TBL1XR1: variants seen among roughly 807,000 people sequenced by gnomAD.
TBL1XR1 encodes the protein F-box-like/WD repeat-containing protein TBL1XR1.
A neutral mutation model predicts 66.9 loss-of-function variants in TBL1XR1; 5 were observed. The observed-to-expected ratio is 0.07, with a 90% CI of 0.04 to 0.16. The LOEUF is 0.16. Among genes scored for constraint, TBL1XR1 ranks in the 10% least tolerant of loss-of-function variants. The pLI is 1.00. For missense variants in TBL1XR1, 238 were observed against 623.2 expected (o/e 0.38, Z 6.58); for synonymous variants, 210 against 206.0 (o/e 1.02, Z -0.17).
intron 2 of TBL1XR1, among the ~76,000 whole-genome samples, chr3:177,084,900 T>C (rs1245119922): frequency 1.3e-5 from 2 of 152,194 alleles, no homozygotes; most frequent in Admixed American, 6.5e-5. Flanking sequence ...GTAGTTACTA[T>C]TTGTGGGAGG....
intron 12 of TBL1XR1, among the ~76,000 whole-genome samples, chr3:177,035,798 C>T (rs577240111): frequency 9.9e-5 from 15 of 152,164 alleles, no homozygotes; most frequent in Non-Finnish European, 1.8e-4. Context: ...TCCTGTTTCG[C>T]CAGTCCAGCT....
intron 1 of TBL1XR1, among the ~76,000 whole-genome samples, chr3:177,139,380 C>T: frequency 6.6e-6 from 1 of 151,904 alleles, no homozygotes; most frequent in Non-Finnish European, 1.5e-5. Flanking sequence ...AGAGACAATA[C>T]AAAAATTAGC....
At chr3:177,189,792 T>C (rs1250063791) in intron 1 of TBL1XR1, among the ~76,000 whole-genome samples, 2 of 152,038 alleles carry the variant, frequency 1.3e-5, no homozygotes, top group African/African-American at 4.8e-5. Flanking sequence ...TTCTGGTAGA[T>C]AAAACTCACT....
intron 1 of TBL1XR1, among the ~76,000 whole-genome samples, chr3:177,104,912 A>G (rs1269109015): frequency 6.6e-6 from 1 of 152,196 alleles, no homozygotes; most frequent in Non-Finnish European, 1.5e-5. Context: ...AAGCAATGCA[A>G]TTAAAGACAA....
At chr3:177,144,508 C>T (rs1213837609) in intron 1 of TBL1XR1, among the ~76,000 whole-genome samples, 1 of 151,932 alleles carries the variant, frequency 6.6e-6, no homozygotes, top group Non-Finnish European at 1.5e-5. Flanking sequence ...AATCCCAGCA[C>T]TTTGGGAGGC....
At chr3:177,035,171 T>C (rs1400010667) in intron 12 of TBL1XR1, among the ~76,000 whole-genome samples, 1 of 152,208 alleles carries the variant, frequency 6.6e-6, no homozygotes, top group Non-Finnish European at 1.5e-5. Flanking sequence ...TTTTCAGAAC[T>C]GATTTCATTA....
intron 1 of TBL1XR1, among the ~76,000 whole-genome samples, chr3:177,184,360 A>G (rs969506054): frequency 2.6e-5 from 4 of 152,206 alleles, no homozygotes; most frequent in Non-Finnish European, 4.4e-5. Context: ...GTCAACCACT[A>G]TGAGAACCCC....
upstream of TBL1XR1, among the ~76,000 whole-genome samples, chr3:177,198,865 G>GACACAC (rs57636923): frequency 4.0e-3 from 593 of 148,162 alleles, 1 homozygote; most frequent in Non-Finnish European, 4.4e-3. Context: ...GAAGTTTTGC[G>GACACAC]ACACACACAC....
intron 3 of TBL1XR1, among the ~76,000 whole-genome samples, chr3:177,063,254 T>C (rs905650438): frequency 3.3e-5 from 5 of 152,248 alleles, no homozygotes; most frequent in African/African-American, 4.8e-5. Context: ...TTGTGGACTT[T>C]TGTTTAGAAA....
intron 3 of TBL1XR1, among the ~76,000 whole-genome samples, chr3:177,057,158 C>G (rs1242681580): frequency 6.6e-6 from 1 of 152,216 alleles, no homozygotes; most frequent in Non-Finnish European, 1.5e-5. Context: ...TGGCAAATTA[C>G]ATCTAACATC....
intron 1 of TBL1XR1, among the ~76,000 whole-genome samples, chr3:177,119,181 G>A (rs771552275): frequency 2.0e-5 from 3 of 152,014 alleles, no homozygotes; most frequent in South Asian, 2.1e-4. Context: ...CATGTTGGCC[G>A]GGCTGGTCTC....
At chr3:177,032,894 T>A in intron 14 of TBL1XR1, 77 bp downstream of exon 14, 2 of 1,204,228 alleles carry the variant, frequency 1.7e-6, no homozygotes, top group Admixed American at 3.4e-5. Flanking sequence ...GACAACCAAA[T>A]GGTGAGGCAG....
At chr3:177,150,260 A>T (rs1730729298) in intron 1 of TBL1XR1, among the ~76,000 whole-genome samples, 1 of 152,194 alleles carries the variant, frequency 6.6e-6, no homozygotes, top group Admixed American at 6.5e-5. Flanking sequence ...CCTTAGAGAG[A>T]CATATGGAAT....
chr3:177,040,530 T>C (rs1011607548), intron 10 of TBL1XR1, among the ~76,000 whole-genome samples: 3 of 152,152 alleles, frequency 2.0e-5, no homozygotes, highest in African/African-American at 4.8e-5. Context: ...AGATATGTCA[T>C]GCGTAAGAAC....
At chr3:177,153,877 CAAAAAAAAA>C (rs1007822226) in intron 1 of TBL1XR1, among the ~76,000 whole-genome samples, 1 of 43,072 alleles carries the variant, frequency 2.3e-5, no homozygotes. Context: ...AACTCCATCT[CAAAAAAAAA>C]AAAAAAAAAA....
At chr3:177,118,104 G>C (rs911901721) in intron 1 of TBL1XR1, among the ~76,000 whole-genome samples, 1 of 152,122 alleles carries the variant, frequency 6.6e-6, no homozygotes, top group African/African-American at 2.4e-5. Flanking sequence ...CTCAGCCAGA[G>C]ACTCAGGACA....
Position 177,063,430 on chromosome 3 carries a change from C to A in TBL1XR1, c.58+1490G>T, listed in dbSNP as rs372633395. On this transcript the variant is annotated intron_variant, in intron 3 of 15. Coordinates refer to ENST00000457928, the MANE Select transcript of TBL1XR1 (RefSeq NM_024665.7). ...TACAATATATTTCCCATCTACTGATCCTTCACAATGGTTTTTGCTCCAGTG... is the reference window on the plus strand; with the variant it reads ...TACAATATATTTCCCATCTACTGATACTTCACAATGGTTTTTGCTCCAGTG... Among the ~76,000 whole-genome samples, 96 of 152,288 alleles carry A rather than the reference C, an allele frequency of 6.3e-4. 3 individuals are homozygous for A. The South Asian group carries it at 0.02, about 31-fold the overall frequency.
chr3:177,193,902 G>A (rs1348259593), intron 1 of TBL1XR1, among the ~76,000 whole-genome samples: 1 of 152,118 alleles, frequency 6.6e-6, no homozygotes, highest in Non-Finnish European at 1.5e-5. Flanking sequence ...TTGCATCTCT[G>A]TTTCATCATC....
chr3:177,118,956 T>C (rs1726647108), intron 1 of TBL1XR1, among the ~76,000 whole-genome samples: 1 of 152,004 alleles, frequency 6.6e-6, no homozygotes, highest in Non-Finnish European at 1.5e-5. Context: ...AAGAAAAACC[T>C]GGATAATCAG....
Sources: allele counts gnomAD v4.1 joint callset (sites outside exome capture counted in the v4.1 genomes callset), GRCh38; gene constraint gnomAD v4.1.1; transcripts MANE v1.5; gene names NCBI Gene and HGNC (gene_info 2026-07-23, HGNC 2026-07-21).